The following GPATCH2L variants were observed in gnomAD, a reference collection of about 807,000 sequenced individuals.
The protein encoded by GPATCH2L is G-patch domain containing 2 like.
A neutral mutation model predicts 57.4 loss-of-function variants in GPATCH2L; 31 were observed. That is an observed-to-expected ratio of 0.54 (90% CI 0.41 to 0.73). GPATCH2L has a LOEUF of 0.73. Among genes scored for constraint, GPATCH2L ranks in the 30% least tolerant of loss-of-function variants. GPATCH2L has a pLI of 0.00. For missense variants in GPATCH2L, 481 were observed against 599.9 expected (o/e 0.80, Z 2.07); for synonymous variants, 199 against 210.7 (o/e 0.94, Z 0.48).
In GPATCH2L at chr14:76,154,569, T is replaced by C. The variant is rs1052108814; in HGVS notation, c.206T>C (p.Leu69Pro). The C allele has an allele frequency of 6.2e-7, 1 of 1,614,218 alleles. No homozygotes were observed. The highest frequency in any genetic ancestry group is 8.5e-7 in the Non-Finnish European group (1 of 1,180,020). ...TACAGCGAGGCCTCTGAGTCAAGTCTGGATGAGGCCACTAAGGACTGTCGA... is the reference window on the plus strand; with the variant it reads ...TACAGCGAGGCCTCTGAGTCAAGTCCGGATGAGGCCACTAAGGACTGTCGA... ...CCYSEASESS[L>P]DEATKDCREV... The change falls in exon 2 of 10, where the codon CTG becomes CCG. Residue 69 changes from leucine to proline, a missense_variant. Leu to Pro is a moderately conservative substitution (Grantham distance 98). Coordinates refer to ENST00000261530, the MANE Select transcript of GPATCH2L (RefSeq NM_017926.4). The surrounding 1 kb of genome is among the most constrained non-coding windows in gnomAD (Gnocchi z 4.4).
At chr14:76,178,371 C>T (rs1460032216) in intron 7 of GPATCH2L, 2 of 661,536 alleles carry the variant, frequency 3.0e-6, no homozygotes, top group Non-Finnish European at 4.3e-6. Flanking sequence ...AGCAGTGGTC[C>T]CCAACCTTAT....
chr14:76,228,741 A>G (rs2040547368), intron 1 of GPATCH2L, among the ~76,000 whole-genome samples: 1 of 152,118 alleles, frequency 6.6e-6, no homozygotes, highest in African/African-American at 2.4e-5. Flanking sequence ...CTGTGAAAGG[A>G]TGTGACAGTG....
At chr14:76,166,124 T>A (rs2038826110) in intron 2 of GPATCH2L, among the ~76,000 whole-genome samples, 1 of 152,232 alleles carries the variant, frequency 6.6e-6, no homozygotes, top group Admixed American at 6.5e-5. Flanking sequence ...CTTTAGTTCC[T>A]TTTTTCAGAA....
chr14:76,152,448 G>A, intron 1 of GPATCH2L: 1 of 310,620 alleles, frequency 3.2e-6, no homozygotes, highest in Non-Finnish European at 6.5e-6. Context: ...GAGCCCAAAT[G>A]AGCAGTTGCC....
intron 1 of GPATCH2L, among the ~76,000 whole-genome samples, chr14:76,219,734 G>A (rs917688204): frequency 7.2e-5 from 11 of 152,114 alleles, no homozygotes; most frequent in Non-Finnish European, 4.4e-5. Context: ...AAAAGGTTAG[G>A]GTTTTACTGG....
At chr14:76,169,229 G>A (rs1015758836) in intron 3 of GPATCH2L, among the ~76,000 whole-genome samples, 1 of 151,978 alleles carries the variant, frequency 6.6e-6, no homozygotes, top group Admixed American at 6.6e-5. Context: ...TATACTTACT[G>A]TTTCTTTTAC....
chr14:76,158,078 A>G (rs1044838198), intron 2 of GPATCH2L, among the ~76,000 whole-genome samples: 21 of 152,030 alleles, frequency 1.4e-4, no homozygotes, highest in African/African-American at 4.4e-4. Flanking sequence ...ATTTTGCTCT[A>G]TTCTTTACTA....
rs1053691699 is a variant in GPATCH2L at position 76,206,357 on chromosome 14, A to G, written c.*4506A>G. On this transcript the variant is annotated 3_prime_UTR_variant, in exon 10 of 10. Transcript: ENST00000261530. Reference sequence around the variant, plus strand: ...AATGCCCGGAAACAGCAACATCAAAAAGAAGGAAGATGAGAAGTATTGTTG... The same window carrying G: ...AATGCCCGGAAACAGCAACATCAAAGAGAAGGAAGATGAGAAGTATTGTTG... 1.3e-5 allele frequency: 2 copies of G among 152,226 alleles called. No homozygotes were observed. Among genetic ancestry groups the G allele is most frequent in the Non-Finnish European group, 2.9e-5 (2 of 68,060 alleles). 9.4% of individuals were successfully genotyped at this position (152,226 alleles called of 1,614,324 possible).
At position 76,154,127 on chromosome 14, in the gene GPATCH2L, G is replaced by T. The variant is rs918509527; in HGVS notation, c.-10-227G>T. 2.4e-6 allele frequency: 1 copy of T among 423,122 alleles called. No individual in the cohort carries two copies. The highest frequency in any genetic ancestry group is 2.0e-5 in the African/African-American group (1 of 49,172). The allele number at this position is 423,122 out of a possible 1,614,324, so 26.2% of individuals were successfully genotyped here. A position where few individuals can be genotyped will look rare whatever the true frequency, so the allele number is the denominator to read the frequency against. ...GTGCTTAAGAATATGTTGACTTCAG[G>T]CATTTAACAAGGGACAAAACATCTA... On this transcript the variant is annotated intron_variant, in intron 1 of 9. Coordinates refer to ENST00000261530, the MANE Select transcript of GPATCH2L (RefSeq NM_017926.4). The surrounding 1 kb of genome is among the most constrained non-coding windows in gnomAD (Gnocchi z 4.4).
intron 2 of GPATCH2L, among the ~76,000 whole-genome samples, chr14:76,160,611 A>G (rs2038537468): frequency 6.6e-6 from 1 of 152,248 alleles, no homozygotes; most frequent in Admixed American, 6.5e-5. Flanking sequence ...AGAGACTTCT[A>G]CTGAGACGGA....
chr14:76,217,102 A>T (rs2040493216), downstream of GPATCH2L, among the ~76,000 whole-genome samples: 1 of 152,196 alleles, frequency 6.6e-6, no homozygotes, highest in African/African-American at 2.4e-5. Context: ...CTGGAAAAAA[A>T]AAGATGAATT....
intron 1 of GPATCH2L, chr14:76,152,772 TTTTA>T: frequency 2.2e-6 from 1 of 455,754 alleles, no homozygotes; most frequent in Non-Finnish European, 4.4e-6. Context: ...TGCCTGAGGT[TTTTA>T]TTTGTTCTTT....
intron 2 of GPATCH2L, among the ~76,000 whole-genome samples, chr14:76,159,872 C>T (rs2038492468): frequency 1.3e-5 from 2 of 152,198 alleles, no homozygotes; most frequent in Admixed American, 6.5e-5. Flanking sequence ...GTGGCTCACG[C>T]CTGTAATCCC....
chr14:76,214,422 A>G (rs1566826362), downstream of GPATCH2L: 1 of 152,216 alleles, frequency 6.6e-6, no homozygotes, highest in African/African-American at 2.4e-5. Flanking sequence ...GTATGCTAAT[A>G]TATCTTGCTA....
In GPATCH2L at chr14:76,154,786, T is replaced by A; in HGVS notation, c.423T>A (p.Ala141=). 1.2e-6 allele frequency: 2 copies of A among 1,614,190 alleles called. No homozygotes were observed. Among genetic ancestry groups the A allele is most frequent in the South Asian group, 2.2e-5 (2 of 91,086 alleles). Residue 141 remains alanine, a synonymous_variant, in exon 2 of 10, where the codon GCT becomes GCA. Coordinates refer to ENST00000261530, the MANE Select transcript of GPATCH2L (RefSeq NM_017926.4). This position sits in a 1 kb window ranked among gnomAD's most constrained non-coding sequence, Gnocchi z 4.4. ...AGCGAGTGACATCAGAGGTGGCTGCTAGCCTTCAGCAGAAGCTGAAGGTGT... is the reference window on the plus strand; with the variant it reads ...AGCGAGTGACATCAGAGGTGGCTGCAAGCCTTCAGCAGAAGCTGAAGGTGT... The part of the protein sequence containing the change: ...KVKRVTSEVA[A]SLQQKLKVSD...
At chr14:76,157,296 C>G (rs977940651) in intron 2 of GPATCH2L, among the ~76,000 whole-genome samples, 1 of 152,170 alleles carries the variant, frequency 6.6e-6, no homozygotes, top group Non-Finnish European at 1.5e-5. Flanking sequence ...ATGTTGTGTT[C>G]AGCCTCTCTT....
In GPATCH2L at chr14:76,178,062, GTTA is replaced by G; in HGVS notation, c.1107+23_1107+25del. ...CATGAGGTAAGGTTTCCTCTTTCTTGTTATTTTGATTTTCTTGGAGAACCGTTT... is the reference window on the plus strand; with the variant it reads ...CATGAGGTAAGGTTTCCTCTTTCTTGTTTTGATTTTCTTGGAGAACCGTTT... On this transcript the variant is annotated intron_variant, in intron 7 of 9. Coordinates refer to ENST00000261530, the MANE Select transcript of GPATCH2L (RefSeq NM_017926.4). 1 of 1,581,104 alleles carries G rather than the reference GTTA, an allele frequency of 6.3e-7. No individual in the cohort carries two copies. The highest frequency in any genetic ancestry group is 8.7e-7 in the Non-Finnish European group (1 of 1,153,342).
At chr14:76,167,118 A>G (rs1266125295) in intron 3 of GPATCH2L, among the ~76,000 whole-genome samples, 2 of 152,120 alleles carry the variant, frequency 1.3e-5, no homozygotes, top group Non-Finnish European at 2.9e-5. Flanking sequence ...TCATATAGAG[A>G]AAATCTTGTC....
intron 7 of GPATCH2L, among the ~76,000 whole-genome samples, chr14:76,180,263 C>A (rs1487234256): frequency 6.6e-6 from 1 of 152,074 alleles, no homozygotes; most frequent in African/African-American, 2.4e-5. Context: ...TTTTAACACC[C>A]AGTATCTCAG....
Sources: gnomAD v4.1 joint callset for allele counts (sites outside exome capture counted in the v4.1 genomes callset) on GRCh38, gnomAD v4.1.1 for gene constraint, Gnocchi (gnomAD v3.1) non-coding constraint, MANE v1.5 for transcripts, NCBI Gene and HGNC (gene_info 2026-07-23, HGNC 2026-07-21) for gene names.